The following SUGCT variants were observed in gnomAD, a reference collection of about 807,000 sequenced individuals.
SUGCT encodes the protein succinyl-CoA:glutarate-CoA transferase.
SUGCT carries 41 observed loss-of-function variants against 55.0 expected under a neutral mutation model. The observed-to-expected ratio is 0.74, with a 90% confidence interval of 0.58 to 0.97. The LOEUF is 0.97. Among genes scored for constraint, SUGCT ranks in the 50% least tolerant of loss-of-function variants. The pLI is 0.00. For synonymous variants in SUGCT, 187 were observed against 200.4 expected, an observed-to-expected ratio of 0.93 and a Z score of 0.56; for missense variants, 568 against 547.8, an observed-to-expected ratio of 1.04 and a Z score of -0.37.
intron 12 of SUGCT, among the ~76,000 whole-genome samples, chr7:40,662,719 C>A (rs1311860740): frequency 6.6e-6 from 1 of 152,160 alleles, no homozygotes; most frequent in East Asian, 1.9e-4. Flanking sequence ...TAAAGAACTT[C>A]CACTTTGCAT....
the SUGCT span, among the ~76,000 whole-genome samples, chr7:41,034,956 G>A: frequency 1.5e-4 from 23 of 152,252 alleles, no homozygotes; most frequent in Admixed American, 1.2e-3. Context: ...TCTCAGCATG[G>A]GCTGGCTGGA....
intron 12 of SUGCT, among the ~76,000 whole-genome samples, chr7:40,508,929 C>T (rs1039251777): frequency 6.6e-6 from 1 of 151,992 alleles, no homozygotes; most frequent in Non-Finnish European, 1.5e-5. Context: ...CTGTGCCCTG[C>T]TGTGGTGTTC....
At chr7:40,885,155 T>C in the SUGCT span, among the ~76,000 whole-genome samples, 1 of 152,104 alleles carries the variant, frequency 6.6e-6, no homozygotes, top group African/African-American at 2.4e-5. Context: ...ATGGTATTGG[T>C]GTTGAGGATG....
chr7:40,934,166 T>A, the SUGCT span, among the ~76,000 whole-genome samples: 1 of 152,236 alleles, frequency 6.6e-6, no homozygotes, highest in Non-Finnish European at 1.5e-5. Context: ...CCTTTCCGTT[T>A]GTTAGTTTTT....
Position 40,659,337 on chromosome 7 carries a change from A to G in SUGCT, c.1090-90097A>G, listed in dbSNP as rs1417368880. ...GGGCTGGAGGATCTGCTTCCAAGGT[A>G]GCTCACTTCCATGGCTGGCATCCTG... On this transcript the variant is annotated intron_variant, in intron 12 of 13. Coordinates refer to ENST00000335693, the MANE Select transcript of SUGCT (RefSeq NM_001193313.2). Among the ~76,000 whole-genome samples, 10 of 152,100 alleles carry G rather than the reference A, an allele frequency of 6.6e-5. No individual in the cohort carries two copies. The East Asian group carries it at 1.9e-3, about 29-fold the overall frequency.
At chr7:40,900,844 T>C in the SUGCT span, among the ~76,000 whole-genome samples, 1 of 152,224 alleles carries the variant, frequency 6.6e-6, no homozygotes, top group South Asian at 2.1e-4. Flanking sequence ...ATTTACAAAG[T>C]GATTAACCTA....
At chr7:40,934,265 G>A in the SUGCT span, among the ~76,000 whole-genome samples, 1 of 152,210 alleles carries the variant, frequency 6.6e-6, no homozygotes, top group Non-Finnish European at 1.5e-5. Flanking sequence ...ATCACCAGCA[G>A]AGGCTGCAGA....
At chr7:40,563,679 A>C (rs1259580151) in intron 12 of SUGCT, among the ~76,000 whole-genome samples, 2 of 151,744 alleles carry the variant, frequency 1.3e-5, no homozygotes, top group Non-Finnish European at 2.9e-5. Context: ...GCACCACTGC[A>C]CTCCAGTCTG....
chr7:40,624,844 C>T (rs551851867), intron 12 of SUGCT, among the ~76,000 whole-genome samples: 4 of 151,464 alleles, frequency 2.6e-5, no homozygotes, highest in African/African-American at 7.3e-5. Flanking sequence ...CTGAGCAGAC[C>T]TTCTTTTATC....
At chr7:40,464,361 T>C (rs1057051284) in intron 11 of SUGCT, among the ~76,000 whole-genome samples, 2 of 152,022 alleles carry the variant, frequency 1.3e-5, no homozygotes, top group Admixed American at 6.6e-5. Context: ...GCACAGTGGA[T>C]TGGGGAGCCC....
At chr7:40,222,172 A>T (rs1027980847) in intron 6 of SUGCT, among the ~76,000 whole-genome samples, 1 of 152,258 alleles carries the variant, frequency 6.6e-6, no homozygotes, top group Non-Finnish European at 1.5e-5. Flanking sequence ...TGGAAAACAG[A>T]TAGATTCATC....
intron 1 of SUGCT, among the ~76,000 whole-genome samples, chr7:40,170,004 T>C (rs1784597731): frequency 6.6e-6 from 1 of 152,178 alleles, no homozygotes; most frequent in African/African-American, 2.4e-5. Context: ...TCTCTCTTCT[T>C]TTCCTTGTGT....
At chr7:40,378,776 C>G (rs187984477) in intron 9 of SUGCT, among the ~76,000 whole-genome samples, 41 of 152,272 alleles carry the variant, frequency 2.7e-4, no homozygotes, top group African/African-American at 8.9e-4. Context: ...CCTGGCCTTT[C>G]TCATACTTTC....
At chr7:40,569,410 T>A (rs1179124531) in intron 12 of SUGCT, among the ~76,000 whole-genome samples, 1 of 152,200 alleles carries the variant, frequency 6.6e-6, no homozygotes, top group Non-Finnish European at 1.5e-5. Context: ...TTACTTTTAT[T>A]ATCTTCATCT....
intron 6 of SUGCT, among the ~76,000 whole-genome samples, chr7:40,218,203 A>C (rs1330550320): frequency 6.6e-6 from 1 of 152,184 alleles, no homozygotes; most frequent in Non-Finnish European, 1.5e-5. Flanking sequence ...ACAGAGCTAG[A>C]CTTTGTCTCA....
intron 13 of SUGCT, among the ~76,000 whole-genome samples, chr7:40,781,064 T>G (rs150645891): frequency 1.3e-5 from 2 of 152,328 alleles, no homozygotes; most frequent in East Asian, 3.9e-4. Context: ...CATGGGCTTT[T>G]GAAGAATGCT....
intron 13 of SUGCT, among the ~76,000 whole-genome samples, chr7:40,780,769 C>T (rs1265153808): frequency 2.2e-5 from 3 of 133,874 alleles, no homozygotes; most frequent in African/African-American, 2.6e-5. Context: ...CTTTCTTCTT[C>T]TTCTTCTTTT....
chr7:40,594,322 TAAAA>T (rs59560745), intron 12 of SUGCT, among the ~76,000 whole-genome samples: 3 of 100,180 alleles, frequency 3.0e-5, no homozygotes, highest in African/African-American at 1.0e-4. Context: ...ACTTAAAGTA[TAAAA>T]AAAAAAAAAG....
intron 6 of SUGCT, among the ~76,000 whole-genome samples, chr7:40,222,297 AC>A (rs1409334295): frequency 6.6e-6 from 1 of 152,272 alleles, no homozygotes; most frequent in African/African-American, 2.4e-5. Flanking sequence ...CCCGTCAATC[AC>A]AGGGAGCAGC....
Sources: allele counts gnomAD v4.1 joint callset (sites outside exome capture counted in the v4.1 genomes callset), GRCh38; gene constraint gnomAD v4.1.1; transcripts MANE v1.5; gene names NCBI Gene and HGNC (gene_info 2026-07-23, HGNC 2026-07-21).